The following RGS5 variants were observed in gnomAD, a reference collection of about 807,000 sequenced individuals.
The protein encoded by RGS5 is regulator of G protein signaling 5.
A neutral mutation model predicts 18.9 loss-of-function variants in RGS5; 20 were observed. The ratio of observed to expected loss-of-function variants is 1.06; its 90% CI spans 0.74 to 1.54. The LOEUF (loss-of-function observed/expected upper bound fraction) is 1.54. Ranked by LOEUF, RGS5 falls within the 40% of genes most tolerant of loss-of-function variation. RGS5 has a pLI of 0.00. For synonymous variants in RGS5, 57 were observed against 76.2 expected (o/e 0.75, Z 1.31); for missense variants, 201 against 211.8 (o/e 0.95, Z 0.32).
chr1:163,316,261 T>G (rs1316082217), intron 1 of RGS5, among the ~76,000 whole-genome samples: 1 of 152,236 alleles, frequency 6.6e-6, no homozygotes, highest in Non-Finnish European at 1.5e-5. Context: ...CGTATCATTA[T>G]TTCCTCTCAT....
chr1:163,227,399 T>C (rs556572736), intron 2 of RGS5, among the ~76,000 whole-genome samples: 1 of 152,286 alleles, frequency 6.6e-6, no homozygotes, highest in African/African-American at 2.4e-5. Flanking sequence ...AAGGCAGGGA[T>C]TGCCAGATGC....
intron 1 of RGS5, among the ~76,000 whole-genome samples, chr1:163,202,540 C>G (rs1202882094): frequency 6.6e-6 from 1 of 152,100 alleles, no homozygotes; most frequent in African/African-American, 2.4e-5. Flanking sequence ...ATAGGCATCT[C>G]CTTGAAGGAA....
At chr1:163,178,560 C>A (rs1248758446) in intron 1 of RGS5, among the ~76,000 whole-genome samples, 1 of 152,034 alleles carries the variant, frequency 6.6e-6, no homozygotes, top group African/African-American at 2.4e-5. Flanking sequence ...GGGTTCCTAC[C>A]CTTAACCAAG....
In RGS5 at chr1:163,152,535, T is replaced by TA; in HGVS notation, c.384+14dup. The TA allele has an allele frequency of 6.2e-7, 1 of 1,604,056 alleles. No homozygotes were observed. Among genetic ancestry groups the TA allele is most frequent in the Non-Finnish European group, 8.5e-7 (1 of 1,175,908 alleles). ...ATGAGCTGCCCTTAACTGACCCACC[T>TA]ACCCAGAGACCAACCTCTTTAGGAG... On this transcript the variant is annotated intron_variant, in intron 4 of 4. Coordinates refer to ENST00000313961, the MANE Select transcript of RGS5 (RefSeq NM_003617.4).
intron 1 of RGS5, among the ~76,000 whole-genome samples, chr1:163,215,820 C>T (rs1341281409): frequency 3.9e-5 from 6 of 151,936 alleles, no homozygotes; most frequent in Non-Finnish European, 8.8e-5. Context: ...ATCCCAGCAC[C>T]GTGGAAGGTC....
chr1:163,232,098 T>A (rs1196827920), intron 2 of RGS5, among the ~76,000 whole-genome samples: 8 of 151,280 alleles, frequency 5.3e-5, no homozygotes, highest in African/African-American at 1.9e-4. Flanking sequence ...TGTTTTCTTG[T>A]GAAATGCAAA....
At chr1:163,240,246 A>T (rs1647752935) in intron 2 of RGS5, among the ~76,000 whole-genome samples, 1 of 152,168 alleles carries the variant, frequency 6.6e-6, no homozygotes, top group Non-Finnish European at 1.5e-5. Context: ...TAAGTACGGA[A>T]TGGTCATACA....
At chr1:163,303,437 A>G (rs914541996) in intron 2 of RGS5, among the ~76,000 whole-genome samples, 1 of 152,236 alleles carries the variant, frequency 6.6e-6, no homozygotes, top group Non-Finnish European at 1.5e-5. Context: ...TTTTTTAAAA[A>G]GAGATCTCTC....
rs115937359 is a variant in RGS5, at chr1:163,215,656, C to G, written c.69+1870G>C. ...TAACTCTTCTACACCAGAATGAAAG[C>G]AAACATTAGAAAACAAATTAATCTT... On this transcript the variant is annotated intron_variant, in intron 1 of 5. Transcript: ENST00000367903. Among the ~76,000 whole-genome samples, 912 of 152,268 alleles carry G rather than the reference C, an allele frequency of 6.0e-3. 11 individuals are homozygous for G. Among genetic ancestry groups the G allele is most frequent in the African/African-American group, 0.02 (815 of 41,548 alleles).
intron 2 of RGS5, among the ~76,000 whole-genome samples, chr1:163,296,146 AATC>A (rs1649414327): frequency 6.6e-6 from 1 of 152,220 alleles, no homozygotes; most frequent in African/African-American, 2.4e-5. Context: ...TTATGTAAAT[AATC>A]AGGACATGAT....
At chr1:163,172,155 C>T (rs1455697247) in intron 1 of RGS5, among the ~76,000 whole-genome samples, 1 of 152,172 alleles carries the variant, frequency 6.6e-6, no homozygotes, top group Non-Finnish European at 1.5e-5. Context: ...TGCTTCCCTT[C>T]CAGATAGAGG....
chr1:163,154,664 G>A (rs1348149301), intron 3 of RGS5, among the ~76,000 whole-genome samples: 1 of 151,696 alleles, frequency 6.6e-6, no homozygotes, highest in African/African-American at 2.4e-5. Flanking sequence ...GATAAAATCA[G>A]GTGTATTTTC....
intron 2 of RGS5, among the ~76,000 whole-genome samples, chr1:163,294,861 C>T (rs1297746579): frequency 6.6e-6 from 1 of 152,164 alleles, no homozygotes; most frequent in East Asian, 1.9e-4. Context: ...ATTTCTTCCT[C>T]CAGATACCCT....
At chr1:163,236,293 T>C (rs1036077296) in intron 2 of RGS5, among the ~76,000 whole-genome samples, 4 of 151,932 alleles carry the variant, frequency 2.6e-5, no homozygotes, top group Non-Finnish European at 5.9e-5. Flanking sequence ...TCATAGTTAA[T>C]TATCCACACA....
intron 1 of RGS5, among the ~76,000 whole-genome samples, chr1:163,197,551 G>C (rs890383608): frequency 6.6e-6 from 1 of 152,108 alleles, no homozygotes; most frequent in Non-Finnish European, 1.5e-5. Context: ...CAGGGCATGG[G>C]TCTTTCATCC....
At chr1:163,243,992 T>C (rs1647867776) in intron 2 of RGS5, among the ~76,000 whole-genome samples, 1 of 152,232 alleles carries the variant, frequency 6.6e-6, no homozygotes, top group African/African-American at 2.4e-5. Flanking sequence ...AAATGTTTAC[T>C]TTTAAGTTTT....
chr1:163,281,661 A>T (rs6679218), intron 2 of RGS5, among the ~76,000 whole-genome samples: 46,067 of 151,998 alleles, frequency 0.3, 7,039 homozygotes, highest in Non-Finnish European at 0.32. Context: ...GGGGCACACA[A>T]CCAAACCATA....
intron 1 of RGS5, among the ~76,000 whole-genome samples, chr1:163,187,314 A>G (rs1659131064): frequency 6.6e-6 from 1 of 152,228 alleles, no homozygotes; most frequent in African/African-American, 2.4e-5. Flanking sequence ...CTAAATGAGA[A>G]TGGCTATGGC....
intron 1 of RGS5, among the ~76,000 whole-genome samples, chr1:163,180,684 C>CGGTT (rs1658780471): frequency 2.4e-5 from 2 of 81,906 alleles, no homozygotes; most frequent in Admixed American, 1.1e-4. Flanking sequence ...AGCCCTTACC[C>CGGTT]TGTTTTTTTT....
Sources: allele counts gnomAD v4.1 joint callset (sites outside exome capture counted in the v4.1 genomes callset), GRCh38; gene constraint gnomAD v4.1.1; transcripts MANE v1.5; gene names NCBI Gene and HGNC (gene_info 2026-07-23, HGNC 2026-07-21).